Variants in B3GALNT1 observed in about 807,000 individuals in gnomAD.
B3GALNT1 encodes the protein UDP-GalNAc:beta-1,3-N-acetylgalactosaminyltransferase 1.
Under a neutral mutation model 27.3 loss-of-function variants are expected in B3GALNT1, and 17 were observed. That is an observed-to-expected ratio of 0.62 (90% CI 0.43 to 0.94). The LOEUF is 0.94. B3GALNT1 is among the 40% of genes least tolerant of loss of function. The pLI is 0.00. For missense variants in B3GALNT1, 347 were observed against 390.0 expected, an observed-to-expected ratio of 0.89 and a Z score of 0.93; for synonymous variants, 141 against 144.0, an observed-to-expected ratio of 0.98 and a Z score of 0.15.
At position 161,084,499 on chromosome 3, in the gene B3GALNT1, T is replaced by C. The variant is rs779475101; in HGVS notation, c.*1260A>G. On this transcript the variant is annotated 3_prime_UTR_variant, in exon 5 of 5. Coordinates refer to ENST00000320474, the MANE Select transcript of B3GALNT1 (RefSeq NM_003781.4). ...CAGAGAAAAAGAACCACTTGCCCTA[T>C]ATAAACTCTAAAAAGAAAACTGCAT... 28 of 152,154 alleles carry C rather than the reference T, an allele frequency of 1.8e-4. No homozygotes were observed. The highest frequency in any genetic ancestry group is 3.4e-4 in the Non-Finnish European group (23 of 68,018). The allele number at this position is 152,154 out of a possible 1,614,324, so 9.4% of individuals were successfully genotyped here.
At chr3:161,100,629 C>G (rs1730749967) in intron 4 of B3GALNT1, among the ~76,000 whole-genome samples, 2 of 152,154 alleles carry the variant, frequency 1.3e-5, no homozygotes, top group African/African-American at 4.8e-5. Context: ...CTCTGATAGA[C>G]TTCTGGGTTG....
Position 161,105,335 on chromosome 3 carries a change from G to T in B3GALNT1, c.-409C>A, listed in dbSNP as rs1248196057. 1 of 152,118 alleles carries T rather than the reference G, an allele frequency of 6.6e-6. No homozygotes were observed. The highest frequency in any genetic ancestry group is 6.5e-5 in the Admixed American group (1 of 15,286). 9.4% of individuals were successfully genotyped at this position (152,118 alleles called of 1,614,324 possible). ...TCCCCGCATCCGCACGCACGGCCGG[G>T]CGCGCGCAGACCACGCGCCAGGGCC... On this transcript the variant is annotated 5_prime_UTR_variant, in exon 1 of 5. Coordinates refer to ENST00000320474, the MANE Select transcript of B3GALNT1 (RefSeq NM_003781.4).
At chr3:161,094,839 G>A (rs191388276) in intron 4 of B3GALNT1, among the ~76,000 whole-genome samples, 4 of 152,124 alleles carry the variant, frequency 2.6e-5, no homozygotes, top group East Asian at 3.9e-4. Context: ...CCACAATGCC[G>A]GGCAACAACG....
intron 4 of B3GALNT1, among the ~76,000 whole-genome samples, chr3:161,089,128 G>A (rs1723578356): frequency 6.6e-6 from 1 of 152,218 alleles, no homozygotes; most frequent in Non-Finnish European, 1.5e-5. Flanking sequence ...CAACCAGGAT[G>A]AATGGGTATG....
At position 161,104,196 on chromosome 3, in the gene B3GALNT1, T is replaced by C. The variant is rs913216720; in HGVS notation, c.-221+123A>G. The C allele has an allele frequency of 1.8e-5, 11 of 614,924 alleles. No individual in the cohort carries two copies. In the African/African-American group the frequency reaches 2.0e-4, roughly 11 times the overall value. 38.1% of individuals were successfully genotyped at this position (614,924 alleles called of 1,614,324 possible). A position where few individuals can be genotyped will look rare whatever the true frequency, so the allele number is the denominator to read the frequency against. The stretch of plus-strand genomic sequence containing the variant: ...ATACGCGTTCAGTAATTTGTGCTTT[T>C]ATCAGGCATCGACACATGCATACTA... On this transcript the variant is annotated intron_variant, in intron 2 of 4. Transcript: ENST00000320474.
intron 4 of B3GALNT1, among the ~76,000 whole-genome samples, chr3:161,099,164 G>C (rs1331932279): frequency 6.6e-6 from 1 of 152,150 alleles, no homozygotes. Context: ...TCCTGCTGAT[G>C]TTCTAAGGTT....
chr3:161,093,136 C>G (rs551103536), intron 4 of B3GALNT1, among the ~76,000 whole-genome samples: 1 of 152,104 alleles, frequency 6.6e-6, no homozygotes, highest in Non-Finnish European at 1.5e-5. Flanking sequence ...CTTGGATTAA[C>G]CAGTCAGCAC....
chr3:161,101,851 C>T (rs530427856), intron 3 of B3GALNT1, among the ~76,000 whole-genome samples: 36 of 152,242 alleles, frequency 2.4e-4, no homozygotes, highest in Admixed American at 6.5e-4. Context: ...CCATTCTCAA[C>T]GACAAAGTCT....
In B3GALNT1 at chr3:161,086,188, A is replaced by T. The variant is rs911299477; in HGVS notation, c.567T>A (p.Asn189Lys). 2.5e-6 allele frequency: 4 copies of T among 1,614,010 alleles called. No individual in the cohort carries two copies. Among genetic ancestry groups the T allele is most frequent in the Non-Finnish European group, 3.4e-6 (4 of 1,180,014 alleles). Residue 189 changes from asparagine to lysine, a missense_variant, in exon 5 of 5, where the codon AAT becomes AAA. Asn to Lys is a moderately conservative substitution (Grantham distance 94, BLOSUM62 0). Coordinates refer to ENST00000320474, the MANE Select transcript of B3GALNT1 (RefSeq NM_003781.4). ...TTAGGTTTAAAAGATACTTCACTAA[A>T]TTGCCAGTATTGATGAAAACATCAG... ...TDTDVFINTG[N>K]LVKYLLNLNH...
rs1322159917 is a variant in B3GALNT1, at chr3:161,095,359, AG to A, written c.-35+5779del. Among the ~76,000 whole-genome samples, 5 of 152,154 alleles carry A rather than the reference AG, an allele frequency of 3.3e-5. No homozygotes were observed. In the East Asian group the frequency reaches 9.6e-4, roughly 29 times the overall value. Reference sequence around the variant, plus strand: ...CATCCCTCATTATTCCCTTCCATAAAGTATATGAATGTGCTTTGGTTAAGGA... The same window carrying A: ...CATCCCTCATTATTCCCTTCCATAAATATATGAATGTGCTTTGGTTAAGGA... On this transcript the variant is annotated intron_variant, in intron 4 of 4. Coordinates refer to ENST00000320474, the MANE Select transcript of B3GALNT1 (RefSeq NM_003781.4).
At chr3:161,091,657 A>G (rs1559983322) in intron 4 of B3GALNT1, among the ~76,000 whole-genome samples, 1 of 152,168 alleles carries the variant, frequency 6.6e-6, no homozygotes, top group Non-Finnish European at 1.5e-5. Flanking sequence ...AAGGCAGAAA[A>G]GTAGGATGCT....
intron 3 of B3GALNT1, among the ~76,000 whole-genome samples, chr3:161,102,242 G>A (rs1420805101): frequency 6.6e-6 from 1 of 152,142 alleles, no homozygotes; most frequent in Non-Finnish European, 1.5e-5. Context: ...AACAGACAAT[G>A]AGATCCTACC....
intron 4 of B3GALNT1, among the ~76,000 whole-genome samples, chr3:161,098,314 A>G (rs1025225312): frequency 2.6e-5 from 4 of 152,182 alleles, no homozygotes; most frequent in African/African-American, 9.7e-5. Flanking sequence ...CTGCACTACA[A>G]AAGCTTCCCT....
At chr3:161,088,977 A>G (rs1260570236) in intron 4 of B3GALNT1, among the ~76,000 whole-genome samples, 1 of 152,222 alleles carries the variant, frequency 6.6e-6, no homozygotes, top group African/African-American at 2.4e-5. Context: ...AAAATAAAGC[A>G]GCAGCAAAAA....
intron 1 of B3GALNT1, chr3:161,104,670 A>T (rs1733325742): frequency 4.6e-6 from 1 of 216,204 alleles, no homozygotes; most frequent in East Asian, 1.5e-4. Context: ...CGTTCTCCAC[A>T]TTCCCCACTT....
At position 161,086,297 on chromosome 3, in the gene B3GALNT1, TTA is replaced by T. The variant is rs1193762783; in HGVS notation, c.456_457del (p.Tyr152Ter). ...CATAATGGTTTTCAAGGTCAGGTTA[TTA>T]TATGTGTCTAAAAAATCTTGTCGGA... is the stretch of plus-strand genomic sequence containing the variant. On this transcript the variant is annotated stop_gained and frameshift_variant, in exon 5 of 5. Coordinates refer to ENST00000320474, the MANE Select transcript of B3GALNT1 (RefSeq NM_003781.4). LOFTEE classifies it high-confidence loss of function. 4 of 1,614,206 alleles carry T rather than the reference TTA, an allele frequency of 2.5e-6. No individual in the cohort carries two copies. The highest frequency in any genetic ancestry group is 3.4e-6 in the Non-Finnish European group (4 of 1,180,038).
intron 4 of B3GALNT1, among the ~76,000 whole-genome samples, chr3:161,099,263 G>C (rs2108422540): frequency 6.6e-6 from 1 of 152,024 alleles, no homozygotes; most frequent in African/African-American, 2.4e-5. Context: ...AAAGAACGTG[G>C]GCTTATTCAA....
intron 4 of B3GALNT1, among the ~76,000 whole-genome samples, chr3:161,091,250 CA>C (rs1304510162): frequency 1.3e-5 from 2 of 151,896 alleles, no homozygotes; most frequent in African/African-American, 4.8e-5. Context: ...GCCTGGGTGA[CA>C]AAGCGTGACC....
intron 4 of B3GALNT1, among the ~76,000 whole-genome samples, chr3:161,094,855 A>AT (rs1446278724): frequency 6.6e-6 from 1 of 152,086 alleles, no homozygotes; most frequent in African/African-American, 2.4e-5. Context: ...CAACGTTCAC[A>AT]TTTTTTATGA....
Sources: allele counts gnomAD v4.1 joint callset (sites outside exome capture counted in the v4.1 genomes callset), GRCh38; gene constraint gnomAD v4.1.1; transcripts MANE v1.5; gene names NCBI Gene and HGNC (gene_info 2026-07-23, HGNC 2026-07-21).